Variants in NCKAP5 observed in about 807,000 individuals in gnomAD.
NCKAP5 encodes the protein nck-associated protein 5.
In NCKAP5, 92 loss-of-function variants were observed where a neutral mutation model predicts 167.0. The observed-to-expected ratio is 0.55, with a 90% confidence interval of 0.47 to 0.66. The LOEUF (loss-of-function observed/expected upper bound fraction) is 0.66, where lower values mean the gene tolerates loss of function less well. NCKAP5 is among the 30% of genes least tolerant of loss of function. The pLI is 0.00. For missense variants in NCKAP5, 2,378 were observed against 2,315.0 expected, an observed-to-expected ratio of 1.03 and a Z score of -0.56; for synonymous variants, 891 against 877.4, an observed-to-expected ratio of 1.02 and a Z score of -0.27.
intron 3 of NCKAP5, among the ~76,000 whole-genome samples, chr2:133,487,357 T>C (rs1226036457): frequency 6.6e-6 from 1 of 152,102 alleles, no homozygotes; most frequent in Non-Finnish European, 1.5e-5. Context: ...AGTCTACCTC[T>C]GAGAAATGAT....
intron 3 of NCKAP5, among the ~76,000 whole-genome samples, chr2:133,494,132 A>T (rs1681718711): frequency 6.6e-6 from 1 of 152,318 alleles, no homozygotes; most frequent in Middle Eastern, 3.4e-3. Context: ...TGGGAGTAAG[A>T]GGCCCATATG....
At chr2:132,881,349 A>AT (rs1691732888) in intron 8 of NCKAP5, among the ~76,000 whole-genome samples, 1 of 151,566 alleles carries the variant, frequency 6.6e-6, no homozygotes, top group Non-Finnish European at 1.5e-5. Flanking sequence ...TAATTTTTGT[A>AT]TTTTTAGTAG....
At chr2:133,280,726 G>T (rs969270837) in intron 4 of NCKAP5, among the ~76,000 whole-genome samples, 28 of 152,110 alleles carry the variant, frequency 1.8e-4, no homozygotes, top group African/African-American at 6.3e-4. Flanking sequence ...GCACCCACAG[G>T]CCAAACCTTG....
chr2:132,903,930 T>G (rs932171556), intron 8 of NCKAP5, among the ~76,000 whole-genome samples: 3 of 152,176 alleles, frequency 2.0e-5, no homozygotes, highest in African/African-American at 7.2e-5. Context: ...ATATTACAAT[T>G]TATGTATTGG....
intron 6 of NCKAP5, among the ~76,000 whole-genome samples, chr2:133,072,469 C>T (rs2080447846): frequency 6.6e-6 from 1 of 152,130 alleles, no homozygotes; most frequent in African/African-American, 2.4e-5. Context: ...CCCACTATGT[C>T]CCTGAGTGCA....
intron 4 of NCKAP5, among the ~76,000 whole-genome samples, chr2:133,241,313 A>G (rs1399680360): frequency 6.6e-6 from 1 of 152,216 alleles, no homozygotes; most frequent in African/African-American, 2.4e-5. Flanking sequence ...ATTCTTATGT[A>G]GAGACACACT....
At chr2:133,158,318 AT>A (rs1267935447) in intron 5 of NCKAP5, among the ~76,000 whole-genome samples, 1 of 152,138 alleles carries the variant, frequency 6.6e-6, no homozygotes, top group African/African-American at 2.4e-5. Flanking sequence ...CCTGCAGATA[AT>A]TTTTTCTGGA....
intron 2 of NCKAP5, among the ~76,000 whole-genome samples, chr2:133,525,458 G>A (rs1310441381): frequency 6.6e-6 from 1 of 152,132 alleles, no homozygotes; most frequent in Non-Finnish European, 1.5e-5. Context: ...GCTGCACAAA[G>A]TCTGGGTCTG....
intron 11 of NCKAP5, among the ~76,000 whole-genome samples, chr2:132,815,330 G>T (rs1686180696): frequency 6.6e-6 from 1 of 152,132 alleles, no homozygotes; most frequent in South Asian, 2.1e-4. Context: ...GCTGCTCTTA[G>T]ACTCATTTGA....
At chr2:133,112,519 C>T (rs1362692108) in intron 6 of NCKAP5, among the ~76,000 whole-genome samples, 1 of 151,978 alleles carries the variant, frequency 6.6e-6, no homozygotes, top group African/African-American at 2.4e-5. Context: ...ACAAGGACTA[C>T]ATGACAATAC....
At chr2:132,705,961 A>G (rs1273944040) in intron 19 of NCKAP5, among the ~76,000 whole-genome samples, 1 of 152,130 alleles carries the variant, frequency 6.6e-6, no homozygotes, top group Non-Finnish European at 1.5e-5. Context: ...GTGTATGTCT[A>G]TATGTATGTG....
At chr2:132,796,493 C>G (rs904373998) in intron 12 of NCKAP5, 135 bp downstream of exon 12, 10 of 550,334 alleles carry the variant, frequency 1.8e-5, no homozygotes, top group Non-Finnish European at 2.9e-5. Context: ...TTTCAGAGAA[C>G]ACAAGAAAGG....
chr2:132,811,529 G>A (rs1284750045), intron 11 of NCKAP5, among the ~76,000 whole-genome samples: 1 of 152,002 alleles, frequency 6.6e-6, no homozygotes, highest in East Asian at 1.9e-4. Context: ...AGGGAAGTGG[G>A]GGAAAGCCGG....
chr2:132,715,465 A>AT (rs1047424656), intron 19 of NCKAP5, among the ~76,000 whole-genome samples: 3 of 151,808 alleles, frequency 2.0e-5, no homozygotes, highest in South Asian at 2.1e-4. Flanking sequence ...TGTTGACTAC[A>AT]TTTTTTTTCT....
chr2:133,039,318 G>T (rs954809770), intron 6 of NCKAP5, among the ~76,000 whole-genome samples: 1 of 152,264 alleles, frequency 6.6e-6, no homozygotes, highest in African/African-American at 2.4e-5. Flanking sequence ...GCCATGGGAG[G>T]TAATATTTTA....
Position 132,866,444 on chromosome 2 carries a change from T to C in NCKAP5, c.687+2492A>G, listed in dbSNP as rs144550178. 2.0e-3 allele frequency among the ~76,000 whole-genome samples: 311 copies of C among 152,314 alleles called. 1 individual carries two copies. The highest frequency in any genetic ancestry group is 6.8e-3 in the Middle Eastern group (2 of 294). On this transcript the variant is annotated intron_variant, in intron 10 of 19. Coordinates refer to ENST00000409261, the MANE Select transcript of NCKAP5 (RefSeq NM_207363.3). The stretch of plus-strand genomic sequence containing the variant: ...GTTGGGTTTAATATGATCACTTTTG[T>C]ATTGTTGTTCTAAAGGGGTACAGTC...
Position 132,920,779 on chromosome 2 carries a change from A to ATGTGTG in NCKAP5, c.580-41864_580-41863insCACACA, listed in dbSNP as rs1227435162. The stretch of plus-strand genomic sequence containing the variant: ...TATGTATATATATGTATGTATATAT[A>ATGTGTG]TATATATATATATATATATATATAT... On this transcript the variant is annotated intron_variant, in intron 8 of 19. Transcript: ENST00000409261. Among the ~76,000 whole-genome samples, 114 of 18,846 alleles carry ATGTGTG rather than the reference A, an allele frequency of 6.0e-3. 15 individuals are homozygous for ATGTGTG. The highest frequency in any genetic ancestry group is 0.037 in the African/African-American group (109 of 2,966). 12.4% of individuals were successfully genotyped at this position (18,846 alleles called of 152,430 possible).
intron 3 of NCKAP5, chr2:133,381,368 T>C (rs1157771607): frequency 6.6e-5 from 10 of 152,208 alleles, no homozygotes; most frequent in Non-Finnish European, 8.8e-5. Context: ...ATTTGAAAAC[T>C]GCTGGACATG....
At chr2:133,226,519 G>A (rs1276606913) in intron 4 of NCKAP5, among the ~76,000 whole-genome samples, 4 of 151,714 alleles carry the variant, frequency 2.6e-5, no homozygotes, top group South Asian at 2.1e-4. Flanking sequence ...CCTTTACAGA[G>A]TTAATCAATT....
Sources: allele counts gnomAD v4.1 joint callset (sites outside exome capture counted in the v4.1 genomes callset), GRCh38; gene constraint gnomAD v4.1.1; transcripts MANE v1.5; gene names NCBI Gene and HGNC (gene_info 2026-07-23, HGNC 2026-07-21).